Variants in ATP10D observed in about 807,000 individuals in gnomAD.
The protein encoded by ATP10D is ATPase phospholipid transporting 10D (putative).
A neutral mutation model predicts 144.8 loss-of-function variants in ATP10D; 89 were observed. The observed-to-expected ratio is 0.61, with a 90% confidence interval of 0.52 to 0.73. The LOEUF (loss-of-function observed/expected upper bound fraction) is 0.73, where lower values mean the gene tolerates loss of function less well. ATP10D is among the 30% of genes least tolerant of loss of function. ATP10D has a pLI of 0.00. For missense variants in ATP10D, 1,603 were observed against 1,714.8 expected, an observed-to-expected ratio of 0.93 and a Z score of 1.15; for synonymous variants, 571 against 615.1, an observed-to-expected ratio of 0.93 and a Z score of 1.06.
intron 3 of ATP10D, among the ~76,000 whole-genome samples, chr4:47,520,191 C>T (rs1206907968): frequency 6.6e-6 from 1 of 152,182 alleles, no homozygotes; most frequent in Non-Finnish European, 1.5e-5. Context: ...CAAATTTCCT[C>T]CTGGCTTTCT....
At chr4:47,531,438 A>AT (rs1279377978) in intron 5 of ATP10D, among the ~76,000 whole-genome samples, 1 of 152,190 alleles carries the variant, frequency 6.6e-6, no homozygotes, top group Non-Finnish European at 1.5e-5. Flanking sequence ...ACTACAGTGT[A>AT]TTTGTATTGT....
intron 1 of ATP10D, among the ~76,000 whole-genome samples, chr4:47,490,096 T>G (rs10938488): frequency 0.23 from 35,426 of 152,136 alleles, 4,646 homozygotes; most frequent in East Asian, 0.59. Context: ...TGAAATCTTT[T>G]TCTTTGATTT....
intron 21 of ATP10D, among the ~76,000 whole-genome samples, chr4:47,584,190 C>A (rs1022224852): frequency 9.2e-5 from 14 of 151,940 alleles, no homozygotes; most frequent in African/African-American, 2.9e-4. Context: ...TAAAAGCCAG[C>A]CATTCTGAAA....
chr4:47,578,221 G>C (rs544321856), intron 19 of ATP10D: 1 of 152,228 alleles, frequency 6.6e-6, no homozygotes, highest in South Asian at 2.1e-4. Context: ...TCCTTTCTTT[G>C]AACTTGGCCT....
chr4:47,506,792 T>C (rs1392469721), intron 1 of ATP10D, among the ~76,000 whole-genome samples: 1 of 152,208 alleles, frequency 6.6e-6, no homozygotes, highest in Non-Finnish European at 1.5e-5. Context: ...TTCCTATGGT[T>C]GGCAGAGCAT....
chr4:47,533,069 G>A (rs1374474971), intron 5 of ATP10D, among the ~76,000 whole-genome samples: 3 of 152,110 alleles, frequency 2.0e-5, no homozygotes, highest in Admixed American at 2.0e-4. Flanking sequence ...TTTGTCTAAT[G>A]GTGGTACCTC....
At chr4:47,542,091 G>T (rs1393823491) in intron 9 of ATP10D, among the ~76,000 whole-genome samples, 2 of 133,844 alleles carry the variant, frequency 1.5e-5, no homozygotes, top group African/African-American at 2.8e-5. Flanking sequence ...ATAAACCTTT[G>T]TTTCTCATAC....
intron 3 of ATP10D, among the ~76,000 whole-genome samples, chr4:47,521,008 T>C (rs909324462): frequency 6.6e-6 from 1 of 152,234 alleles, no homozygotes; most frequent in South Asian, 2.1e-4. Context: ...GTCTTTATTA[T>C]ACAGGACTCC....
At chr4:47,586,955 G>T (rs1446551243) in intron 21 of ATP10D, 64 bp from the exon 22 acceptor site, 2 of 1,471,394 alleles carry the variant, frequency 1.4e-6, no homozygotes, top group South Asian at 1.2e-5. Context: ...GAGCAGATTT[G>T]TCCGGGTGGC....
At chr4:47,519,466 G>A (rs1716838747) in intron 3 of ATP10D, among the ~76,000 whole-genome samples, 1 of 152,184 alleles carries the variant, frequency 6.6e-6, no homozygotes, top group South Asian at 2.1e-4. Context: ...GTGCATTTAG[G>A]CTCTGGGGAA....
chr4:47,499,313 A>G (rs1483051736), intron 1 of ATP10D, among the ~76,000 whole-genome samples: 1 of 152,232 alleles, frequency 6.6e-6, no homozygotes, highest in East Asian at 1.9e-4. Context: ...GTAGCCTTTC[A>G]GTACCTATTT....
chr4:47,511,068 A>G (rs1447533911), intron 1 of ATP10D, among the ~76,000 whole-genome samples: 5 of 152,244 alleles, frequency 3.3e-5, no homozygotes, highest in Non-Finnish European at 5.9e-5. Flanking sequence ...TATGAACTAC[A>G]TTAATAACTC....
intron 9 of ATP10D, among the ~76,000 whole-genome samples, chr4:47,540,468 C>T (rs539509658): frequency 6.6e-6 from 1 of 152,218 alleles, no homozygotes; most frequent in African/African-American, 2.4e-5. Flanking sequence ...AATAATATCC[C>T]CAGGTGATTA....
intron 21 of ATP10D, among the ~76,000 whole-genome samples, chr4:47,585,607 T>C (rs1337886622): frequency 3.3e-5 from 5 of 152,164 alleles, no homozygotes; most frequent in Admixed American, 1.3e-4. Context: ...ATTTTTCTTT[T>C]GTACCCATTA....
At chr4:47,496,244 G>A (rs1337769282) in intron 1 of ATP10D, among the ~76,000 whole-genome samples, 7 of 141,058 alleles carry the variant, frequency 5.0e-5, no homozygotes, top group East Asian at 2.0e-4. Flanking sequence ...AGAAACCTCC[G>A]CCTCCCGGGT....
intron 1 of ATP10D, among the ~76,000 whole-genome samples, chr4:47,504,988 G>T (rs1372037922): frequency 1.1e-4 from 16 of 152,184 alleles, no homozygotes. Flanking sequence ...AAGGTTATAA[G>T]TCTATCAAGG....
intron 1 of ATP10D, among the ~76,000 whole-genome samples, chr4:47,507,647 A>G (rs567883285): frequency 1.6e-4 from 24 of 152,366 alleles, no homozygotes; most frequent in Admixed American, 3.3e-4. Context: ...TGATCAACAG[A>G]CATTTATATA....
intron 18 of ATP10D, among the ~76,000 whole-genome samples, chr4:47,573,271 T>G (rs1393888226): frequency 6.6e-6 from 1 of 152,236 alleles, no homozygotes; most frequent in Non-Finnish European, 1.5e-5. Flanking sequence ...AAATCCAGTT[T>G]TTGACCTTCC....
chr4:47,576,210 A>C (rs937160272), intron 18 of ATP10D, among the ~76,000 whole-genome samples: 2 of 152,128 alleles, frequency 1.3e-5, no homozygotes, highest in South Asian at 2.1e-4. Flanking sequence ...GGTCCCTTTT[A>C]TAAAGAAACT....
Sources: allele counts gnomAD v4.1 joint callset (sites outside exome capture counted in the v4.1 genomes callset), GRCh38; gene constraint gnomAD v4.1.1; transcripts MANE v1.5; gene names NCBI Gene and HGNC (gene_info 2026-07-23, HGNC 2026-07-21).